Variants in SCAPER observed in about 807,000 individuals in gnomAD.
The protein encoded by SCAPER is S phase cyclin A-associated protein in the endoplasmic reticulum.
A neutral mutation model predicts 182.2 loss-of-function variants in SCAPER; 98 were observed. The ratio of observed to expected loss-of-function variants is 0.54; its 90% confidence interval spans 0.46 to 0.64. The LOEUF (loss-of-function observed/expected upper bound fraction) is 0.64. Ranked by LOEUF, SCAPER falls within the 30% of genes least tolerant of loss-of-function variation. The pLI is 0.00. For missense variants in SCAPER, 1,432 were observed against 1,690.0 expected, an observed-to-expected ratio of 0.85 and a Z score of 2.68; for synonymous variants, 605 against 564.6, an observed-to-expected ratio of 1.07 and a Z score of -1.01.
intron 21 of SCAPER, among the ~76,000 whole-genome samples, chr15:76,663,115 C>A (rs1336244073): frequency 6.6e-6 from 1 of 151,972 alleles, no homozygotes; most frequent in East Asian, 1.9e-4. Flanking sequence ...AATGACAGCC[C>A]ATTTTTTTAA....
chr15:76,437,809 T>C (rs1252757186), intron 25 of SCAPER, among the ~76,000 whole-genome samples: 4 of 152,210 alleles, frequency 2.6e-5, no homozygotes, highest in Admixed American at 6.5e-5. Context: ...ATAAAATTGA[T>C]GTCATTTATT....
intron 8 of SCAPER, among the ~76,000 whole-genome samples, chr15:76,786,264 T>A (rs1598730922): frequency 1.3e-5 from 2 of 148,304 alleles, no homozygotes; most frequent in African/African-American, 5.0e-5. Context: ...GAGGCAGAGG[T>A]TGCAGTGAGC....
At chr15:76,857,073 A>G (rs1300332962) in intron 4 of SCAPER, among the ~76,000 whole-genome samples, 1 of 152,172 alleles carries the variant, frequency 6.6e-6, no homozygotes, top group East Asian at 1.9e-4. Context: ...TCAAGAAAGA[A>G]AATCATAAAA....
chr15:76,353,910 C>A, intron 30 of SCAPER, 39 bp downstream of exon 30: 2 of 1,453,116 alleles, frequency 1.4e-6, no homozygotes, highest in South Asian at 1.5e-5. Flanking sequence ...CATTAGTTTA[C>A]ACACAAAGCT....
At chr15:76,518,430 C>T (rs150472319) in intron 23 of SCAPER, among the ~76,000 whole-genome samples, 1 of 152,178 alleles carries the variant, frequency 6.6e-6, no homozygotes, top group Admixed American at 6.5e-5. Context: ...TTAGATGAGG[C>T]ACAAGGAAAG....
At chr15:76,484,143 A>G (rs957354155) in intron 24 of SCAPER, among the ~76,000 whole-genome samples, 1 of 152,218 alleles carries the variant, frequency 6.6e-6, no homozygotes, top group Admixed American at 6.5e-5. Flanking sequence ...CATACAATGG[A>G]TTATTATTCA....
intron 15 of SCAPER, among the ~76,000 whole-genome samples, chr15:76,734,890 A>G (rs545422256): frequency 1.3e-5 from 2 of 152,232 alleles, no homozygotes; most frequent in Non-Finnish European, 2.9e-5. Context: ...CTCTCTATAT[A>G]TATATATATG....
intron 1 of SCAPER, among the ~76,000 whole-genome samples, chr15:76,889,545 C>G (rs1444977095): frequency 6.6e-6 from 1 of 152,040 alleles, no homozygotes; most frequent in South Asian, 2.1e-4. Flanking sequence ...AAACAGACTT[C>G]AAACCAACAC....
chr15:76,603,075 T>C (rs1363842759), intron 22 of SCAPER, among the ~76,000 whole-genome samples: 5 of 116,602 alleles, frequency 4.3e-5, no homozygotes, highest in East Asian at 2.3e-4. Flanking sequence ...AGGGTACATG[T>C]GCACAACGTG....
chr15:76,764,849 G>T, intron 14 of SCAPER, 112 bp downstream of exon 14: 2 of 611,184 alleles, frequency 3.3e-6, no homozygotes, highest in Non-Finnish European at 2.7e-6. Context: ...TTATTTCCTA[G>T]CAAATCTAAT....
intron 17 of SCAPER, among the ~76,000 whole-genome samples, chr15:76,718,794 A>T (rs2060033897): frequency 1.3e-5 from 2 of 152,210 alleles, no homozygotes; most frequent in African/African-American, 4.8e-5. Flanking sequence ...CAGTAGATAT[A>T]TGGAAAGGTG....
At chr15:76,410,830 GATCA>G (rs764875648) in intron 26 of SCAPER, among the ~76,000 whole-genome samples, 3 of 151,182 alleles carry the variant, frequency 2.0e-5, no homozygotes, top group Non-Finnish European at 2.9e-5. Context: ...TATTTGAGAA[GATCA>G]ATTATTCAAC....
intron 14 of SCAPER, among the ~76,000 whole-genome samples, chr15:76,760,234 T>C (rs924349388): frequency 6.6e-6 from 1 of 152,198 alleles, no homozygotes; most frequent in Non-Finnish European, 1.5e-5. Flanking sequence ...TTCTGACCCA[T>C]ACTTCTGACA....
chr15:76,797,760 C>T (rs1424047231), intron 7 of SCAPER, among the ~76,000 whole-genome samples: 1 of 152,150 alleles, frequency 6.6e-6, no homozygotes, highest in African/African-American at 2.4e-5. Context: ...TCAACATACA[C>T]TCATGTTGTG....
intron 26 of SCAPER, among the ~76,000 whole-genome samples, chr15:76,418,279 C>G (rs2045796219): frequency 6.6e-6 from 1 of 152,200 alleles, no homozygotes. Flanking sequence ...ACACTGTCTT[C>G]CCTGCTGGCA....
intron 5 of SCAPER, among the ~76,000 whole-genome samples, chr15:76,826,782 T>A (rs185623603): frequency 1.3e-5 from 2 of 152,312 alleles, no homozygotes; most frequent in South Asian, 2.1e-4. Flanking sequence ...GTAATATTCA[T>A]TAAATGTGGT....
chr15:76,659,673 A>C (rs1034887106), intron 21 of SCAPER, among the ~76,000 whole-genome samples: 5 of 152,260 alleles, frequency 3.3e-5, no homozygotes, highest in Admixed American at 2.6e-4. Context: ...AACCATAATT[A>C]GATATCATCT....
chr15:76,783,091 G>A (rs989243064), intron 8 of SCAPER, among the ~76,000 whole-genome samples: 3 of 152,096 alleles, frequency 2.0e-5, no homozygotes, highest in Non-Finnish European at 4.4e-5. Flanking sequence ...ATGAATCCAA[G>A]AGGTGTTTTT....
chr15:76,482,971 T>C (rs1315354456), intron 24 of SCAPER, among the ~76,000 whole-genome samples: 1 of 152,122 alleles, frequency 6.6e-6, no homozygotes, highest in Non-Finnish European at 1.5e-5. Flanking sequence ...CCAAGCTAGT[T>C]ACTCCATTGA....
Sources: gnomAD v4.1 joint callset for allele counts (sites outside exome capture counted in the v4.1 genomes callset) on GRCh38, gnomAD v4.1.1 for gene constraint, MANE v1.5 for transcripts, NCBI Gene and HGNC (gene_info 2026-07-23, HGNC 2026-07-21) for gene names.